Variants in PHACTR4 observed in about 807,000 individuals in gnomAD.
PHACTR4 encodes protein phosphatase 1, regulatory subunit 124.
A neutral mutation model predicts 72.7 loss-of-function variants in PHACTR4; 51 were observed. That is an observed-to-expected ratio of 0.70 (90% confidence interval 0.56 to 0.89). The LOEUF is 0.89. Among genes scored for constraint, PHACTR4 ranks in the 40% least tolerant of loss-of-function variants. The pLI is 0.00. For missense variants in PHACTR4, 731 were observed against 861.8 expected (o/e 0.85, Z 1.90); for synonymous variants, 255 against 302.5 (o/e 0.84, Z 1.63).
intron 9 of PHACTR4, among the ~76,000 whole-genome samples, chr1:28,485,924 A>T (rs983333905): frequency 1.3e-5 from 2 of 151,964 alleles, no homozygotes; most frequent in Non-Finnish European, 2.9e-5. Flanking sequence ...ATAATACTGT[A>T]TTGTACACTT....
chr1:28,374,906 T>C (rs1651522866), intron 1 of PHACTR4, among the ~76,000 whole-genome samples: 1 of 152,252 alleles, frequency 6.6e-6, no homozygotes, highest in Non-Finnish European at 1.5e-5. Context: ...AATTGATTCC[T>C]GCTCTTCCTA....
intron 2 of PHACTR4, among the ~76,000 whole-genome samples, chr1:28,449,635 T>C (rs1657789425): frequency 6.6e-6 from 1 of 152,102 alleles, no homozygotes; most frequent in African/African-American, 2.4e-5. Flanking sequence ...GTGGATCACC[T>C]GAGGTCAGGA....
chr1:28,403,663 A>G (rs1166969481), intron 1 of PHACTR4, among the ~76,000 whole-genome samples: 2 of 152,188 alleles, frequency 1.3e-5, no homozygotes, highest in African/African-American at 4.8e-5. Context: ...TTGTGTAACC[A>G]TCACTCTAAC....
chr1:28,376,777 T>C (rs11247793), intron 1 of PHACTR4, among the ~76,000 whole-genome samples: 58,400 of 151,364 alleles, frequency 0.39, 13,050 homozygotes, highest in African/African-American at 0.61. Context: ...GCTGGGACTA[T>C]AGGCGCCCAC....
chr1:28,370,136 A>G (rs555404509), intron 1 of PHACTR4, among the ~76,000 whole-genome samples: 44 of 151,020 alleles, frequency 2.9e-4, no homozygotes, highest in African/African-American at 9.7e-4. Context: ...GTGTCCGTGC[A>G]TGGAGTCTCC....
At chr1:28,383,476 C>T (rs181114249) in intron 1 of PHACTR4, among the ~76,000 whole-genome samples, 13 of 152,242 alleles carry the variant, frequency 8.5e-5, no homozygotes, top group African/African-American at 2.9e-4. Flanking sequence ...TTCTTCCTAT[C>T]CATAGGCATG....
In PHACTR4 at chr1:28,480,584, G is replaced by C. The variant is rs1428599258; in HGVS notation, c.1740G>C (p.Gln580His). ...SKEEWNEIRH[Q>H]IGNTLIRRLS... ...AGGAGTGGAATGAAATACGGCACCA[G>C]ATTGGAAACACACTGATCCGGTAGG... The change falls in exon 9 of 14, where the codon CAG (glutamine) becomes CAC (histidine). Residue 580 changes from glutamine (Q) to histidine (H), a missense_variant. Gln to His is a conservative substitution (Grantham distance 24). Around this residue, in one of 2 missense-constraint regions of PHACTR4, gnomAD observed 110 missense variants for 185.2 expected, o/e 0.59. Transcript: ENST00000373839. 6.2e-7 allele frequency: 1 copy of C among 1,614,198 alleles called. No homozygotes were observed. Among genetic ancestry groups the C allele is most frequent in the Non-Finnish European group, 8.5e-7 (1 of 1,180,036 alleles).
At chr1:28,438,180 C>G in intron 2 of PHACTR4, 1 of 1,291,078 alleles carries the variant, frequency 7.7e-7, no homozygotes, top group Non-Finnish European at 9.9e-7. Context: ...AGTGTGAAGA[C>G]AGTTTTGTAA....
At chr1:28,430,063 C>T (rs1656142585) in intron 2 of PHACTR4, among the ~76,000 whole-genome samples, 1 of 151,902 alleles carries the variant, frequency 6.6e-6, no homozygotes, top group Non-Finnish European at 1.5e-5. Context: ...CGCACTGTCA[C>T]CCAGGCTAGA....
intron 7 of PHACTR4, among the ~76,000 whole-genome samples, chr1:28,474,835 G>A (rs569740959): frequency 2.0e-5 from 3 of 152,122 alleles, no homozygotes; most frequent in South Asian, 2.1e-4. Flanking sequence ...GAGCCACCGC[G>A]CCCAGCATTG....
intron 1 of PHACTR4, among the ~76,000 whole-genome samples, chr1:28,402,641 T>C (rs374221291): frequency 1.3e-5 from 2 of 152,294 alleles, no homozygotes; most frequent in East Asian, 3.9e-4. Flanking sequence ...TACTAGGTGC[T>C]GTGGCTCACC....
intron 2 of PHACTR4, among the ~76,000 whole-genome samples, chr1:28,412,071 A>G (rs1171493393): frequency 6.6e-6 from 1 of 152,128 alleles, no homozygotes; most frequent in African/African-American, 2.4e-5. Context: ...TTTAAATATC[A>G]TGTTCGTTAA....
At chr1:28,436,287 G>T (rs1656631524) in intron 2 of PHACTR4, among the ~76,000 whole-genome samples, 1 of 151,098 alleles carries the variant, frequency 6.6e-6, no homozygotes. Flanking sequence ...TTTTTTTTTA[G>T]AGACAGGGCT....
Position 28,473,781 on chromosome 1 carries a change from A to G in PHACTR4, c.1051A>G (p.Ile351Val). The G allele has an allele frequency of 3.7e-6, 6 of 1,614,042 alleles. No homozygotes were observed. The highest frequency in any genetic ancestry group is 1.7e-5 in the Admixed American group (1 of 59,976). ...TCCGTCCCCCCCACTGCCTACTCATATACCTCCAGAGCCTCCACGCACCCC... is the reference window on the plus strand; with the variant it reads ...TCCGTCCCCCCCACTGCCTACTCATGTACCTCCAGAGCCTCCACGCACCCC... Reference protein sequence around the residue: ...RSPSPPLPTHIPPEPPRTPPF... With the variant: ...RSPSPPLPTHVPPEPPRTPPF... The change falls in exon 7 of 14, where the codon ATA (isoleucine) becomes GTA (valine). Residue 351 changes from isoleucine (I) to valine (V), a missense_variant. Coordinates refer to ENST00000373839, the MANE Select transcript of PHACTR4 (RefSeq NM_001048183.3).
chr1:28,385,725 C>T (rs1388225440), intron 1 of PHACTR4, among the ~76,000 whole-genome samples: 2 of 150,054 alleles, frequency 1.3e-5, no homozygotes, highest in Non-Finnish European at 3.0e-5. Context: ...AAGCGATTCT[C>T]ATGCCTTAGC....
At position 28,371,770 on chromosome 1, in the gene PHACTR4, T is replaced by A. The variant is rs181859787; in HGVS notation, c.-39+1945T>A. 4.7e-4 allele frequency among the ~76,000 whole-genome samples: 71 copies of A among 152,164 alleles called. 1 individual carries two copies. The highest frequency in any genetic ancestry group is 7.7e-4 in the East Asian group (4 of 5,180). On this transcript the variant is annotated intron_variant, in intron 1 of 13. Transcript: ENST00000373839. ...CAGCGCAGCTAATTAAAAAAATTTT[T>A]AAAAAAATTTTTGTATTGATTGGGG...
intron 2 of PHACTR4, among the ~76,000 whole-genome samples, chr1:28,426,533 G>A (rs993151624): frequency 8.6e-5 from 13 of 151,202 alleles, no homozygotes; most frequent in Non-Finnish European, 1.5e-4. Flanking sequence ...GCGTGGTGGT[G>A]GGCGCCTGTA....
intron 1 of PHACTR4, among the ~76,000 whole-genome samples, chr1:28,405,932 G>A (rs899048983): frequency 6.6e-6 from 1 of 151,844 alleles, no homozygotes; most frequent in African/African-American, 2.4e-5. Flanking sequence ...AATCTCACTA[G>A]CACAGAACCC....
At chr1:28,445,212 C>G (rs901906142) in intron 2 of PHACTR4, among the ~76,000 whole-genome samples, 17 of 152,090 alleles carry the variant, frequency 1.1e-4, no homozygotes, top group Non-Finnish European at 2.9e-5. Context: ...CTCAGCCCCC[C>G]AAAGTGCTGG....
Sources: gnomAD v4.1 joint callset for allele counts (sites outside exome capture counted in the v4.1 genomes callset) on GRCh38, gnomAD v4.1.1 for gene constraint, gnomAD v4.1.1 regional missense constraint, MANE v1.5 for transcripts, NCBI Gene and HGNC (gene_info 2026-07-23, HGNC 2026-07-21) for gene names.